The following GMDS variants were observed in gnomAD, a reference collection of about 807,000 sequenced individuals.
GMDS encodes the protein GDP-mannose 4,6-dehydratase.
Under a neutral mutation model 49.9 loss-of-function variants are expected in GMDS, and 20 were observed. The observed-to-expected ratio is 0.40, with a 90% CI of 0.28 to 0.58. GMDS has a LOEUF of 0.58. Ranked by LOEUF, GMDS falls within the 20% of genes least tolerant of loss-of-function variation. The probability of loss-of-function intolerance (pLI) is 0.42; values close to 1 mark genes in which losing one functional copy is unlikely to be tolerated. For missense variants in GMDS, 362 were observed against 481.4 expected, an observed-to-expected ratio of 0.75 and a Z score of 2.32; for synonymous variants, 177 against 178.6, an observed-to-expected ratio of 0.99 and a Z score of 0.07.
chr6:1,767,142 G>T (rs951338755), intron 7 of GMDS, among the ~76,000 whole-genome samples: 4 of 151,876 alleles, frequency 2.6e-5, no homozygotes, highest in African/African-American at 9.7e-5. Flanking sequence ...CTTCATATAC[G>T]AAATGTAAAC....
chr6:1,795,959 G>A (rs1455366700), intron 7 of GMDS, among the ~76,000 whole-genome samples: 1 of 152,216 alleles, frequency 6.6e-6, no homozygotes, highest in Non-Finnish European at 1.5e-5. Context: ...GCGGGGACTG[G>A]CCAGTTCTCT....
chr6:1,951,193 G>T (rs1391593445), intron 6 of GMDS, among the ~76,000 whole-genome samples: 1 of 151,640 alleles, frequency 6.6e-6, no homozygotes, highest in Non-Finnish European at 1.5e-5. Flanking sequence ...CTTAAATTTT[G>T]ACAAGTAATT....
chr6:1,883,346 G>A (rs994379224), intron 7 of GMDS, among the ~76,000 whole-genome samples: 2 of 151,998 alleles, frequency 1.3e-5, no homozygotes, highest in African/African-American at 2.4e-5. Context: ...AGCCAAGATC[G>A]TGCCACTGCA....
At chr6:2,136,365 A>G (rs1364816126) in intron 1 of GMDS, among the ~76,000 whole-genome samples, 2 of 152,240 alleles carry the variant, frequency 1.3e-5, no homozygotes, top group African/African-American at 4.8e-5. Flanking sequence ...TATCCAAAAA[A>G]TCATTTTCCT....
At chr6:2,145,424 G>C (rs1776503802) in intron 1 of GMDS, among the ~76,000 whole-genome samples, 1 of 152,120 alleles carries the variant, frequency 6.6e-6, no homozygotes, top group African/African-American at 2.4e-5. Context: ...TGTAATCCCA[G>C]CTACTCGGGA....
At chr6:1,828,622 G>A (rs1421180336) in intron 7 of GMDS, among the ~76,000 whole-genome samples, 1 of 152,124 alleles carries the variant, frequency 6.6e-6, no homozygotes, top group Non-Finnish European at 1.5e-5. Flanking sequence ...GAGGTAAGAA[G>A]GCCCAGTGGC....
rs557127436 is a variant in GMDS at position 1,957,260 on chromosome 6, A to G, written c.643+2607T>C. ...AGATATTAACTTATTCATTCATTTA[A>G]AAATATTTACTGAATGCTTATTAGC... is the stretch of plus-strand genomic sequence containing the variant. On this transcript the variant is annotated intron_variant, in intron 6 of 10. Coordinates refer to ENST00000380815, the MANE Select transcript of GMDS (RefSeq NM_001500.4). Among the ~76,000 whole-genome samples, 6 of 152,318 alleles carry G rather than the reference A, an allele frequency of 3.9e-5. No homozygotes were observed. The East Asian group carries it at 1.2e-3, about 29-fold the overall frequency.
At chr6:1,753,373 A>T (rs1767810924) in intron 7 of GMDS, among the ~76,000 whole-genome samples, 1 of 152,224 alleles carries the variant, frequency 6.6e-6, no homozygotes, top group Non-Finnish European at 1.5e-5. Context: ...CCAATACAGG[A>T]GCACCCAGAT....
At chr6:2,043,658 C>T (rs978903518) in intron 4 of GMDS, among the ~76,000 whole-genome samples, 2 of 152,198 alleles carry the variant, frequency 1.3e-5, no homozygotes, top group African/African-American at 2.4e-5. Context: ...GTGATACTCA[C>T]ACTATATTTC....
chr6:1,775,724 TG>T (rs1768774624), intron 7 of GMDS, among the ~76,000 whole-genome samples: 1 of 152,226 alleles, frequency 6.6e-6, no homozygotes, highest in African/African-American at 2.4e-5. Context: ...GAAAGTTTTT[TG>T]TTTTTCTTCT....
chr6:2,173,165 C>A (rs1209584021), intron 1 of GMDS, among the ~76,000 whole-genome samples: 1 of 152,154 alleles, frequency 6.6e-6, no homozygotes, highest in Non-Finnish European at 1.5e-5. Flanking sequence ...TGCTTATCAA[C>A]ACTTAGGAAA....
chr6:1,979,415 C>T (rs1474939348), intron 4 of GMDS, among the ~76,000 whole-genome samples: 1 of 152,074 alleles, frequency 6.6e-6, no homozygotes, highest in Non-Finnish European at 1.5e-5. Context: ...ATATTAACAG[C>T]AGAATAGACC....
At chr6:2,070,612 T>C (rs992479298) in intron 4 of GMDS, among the ~76,000 whole-genome samples, 4 of 152,232 alleles carry the variant, frequency 2.6e-5, no homozygotes, top group South Asian at 2.1e-4. Context: ...TTATCAATAC[T>C]AAGACCACCA....
chr6:1,837,003 C>A (rs1005794487), intron 7 of GMDS, among the ~76,000 whole-genome samples: 1 of 152,132 alleles, frequency 6.6e-6, no homozygotes, highest in Non-Finnish European at 1.5e-5. Context: ...AAGTGGAAGT[C>A]TTTATATTTC....
At chr6:1,963,061 G>A (rs1764057427) in intron 4 of GMDS, among the ~76,000 whole-genome samples, 1 of 151,328 alleles carries the variant, frequency 6.6e-6, no homozygotes, top group Non-Finnish European at 1.5e-5. Flanking sequence ...ATTCTTAGTA[G>A]AGACGTGGTT....
intron 7 of GMDS, among the ~76,000 whole-genome samples, chr6:1,816,721 T>C (rs1770686595): frequency 6.6e-6 from 1 of 152,194 alleles, no homozygotes; most frequent in African/African-American, 2.4e-5. Flanking sequence ...ATGTAAAGTT[T>C]AGTGTATTTC....
chr6:2,148,249 G>C (rs1358228162), intron 1 of GMDS, among the ~76,000 whole-genome samples: 1 of 152,192 alleles, frequency 6.6e-6, no homozygotes, highest in Non-Finnish European at 1.5e-5. Context: ...ACTAAGCCAA[G>C]TGTGGCAAAT....
chr6:1,804,926 G>A (rs1770107972), intron 7 of GMDS, among the ~76,000 whole-genome samples: 1 of 152,144 alleles, frequency 6.6e-6, no homozygotes, highest in Non-Finnish European at 1.5e-5. Flanking sequence ...AAGAATTAAT[G>A]CCTTCGTTCG....
intron 9 of GMDS, among the ~76,000 whole-genome samples, chr6:1,666,085 G>A (rs746620319): frequency 4.6e-5 from 7 of 152,198 alleles, no homozygotes; most frequent in Admixed American, 3.3e-4. Flanking sequence ...TAGGGCTTCC[G>A]GTCTACAGGA....
Sources: allele counts gnomAD v4.1 joint callset (sites outside exome capture counted in the v4.1 genomes callset), GRCh38; gene constraint gnomAD v4.1.1; transcripts MANE v1.5; gene names NCBI Gene and HGNC (gene_info 2026-07-23, HGNC 2026-07-21).